The following SLC25A3 variants were observed in gnomAD, a reference collection of about 807,000 sequenced individuals.
SLC25A3 encodes the protein phosphate transport protein.
SLC25A3 carries 14 observed loss-of-function variants against 37.1 expected under a neutral mutation model. That is an observed-to-expected ratio of 0.38 (90% CI 0.25 to 0.59). The LOEUF is 0.59. Among genes scored for constraint, SLC25A3 ranks in the 20% least tolerant of loss-of-function variants. The pLI is 0.67. For missense variants in SLC25A3, 385 were observed against 458.1 expected, an observed-to-expected ratio of 0.84 and a Z score of 1.46; for synonymous variants, 161 against 168.7, an observed-to-expected ratio of 0.95 and a Z score of 0.36.
At chr12:98,597,063 A>G (rs2097593612) in intron 3 of SLC25A3, among the ~76,000 whole-genome samples, 1 of 152,168 alleles carries the variant, frequency 6.6e-6, no homozygotes, top group Non-Finnish European at 1.5e-5. Flanking sequence ...GTTGGGTGGT[A>G]AGAAATCTGT....
At chr12:98,598,796 G>A in intron 5 of SLC25A3, 93 bp downstream of exon 5, 1 of 1,244,084 alleles carries the variant, frequency 8.0e-7, no homozygotes, top group Non-Finnish European at 1.1e-6. Context: ...GTTTTTTTGA[G>A]ACAAAGTCTC....
At chr12:98,598,261 G>T (rs2097594687) in intron 4 of SLC25A3, 1 of 685,466 alleles carries the variant, frequency 1.5e-6, no homozygotes, top group Middle Eastern at 4.1e-4. Flanking sequence ...TAAGTAAGTT[G>T]GATTTTGAGT....
chr12:98,594,240 C>T (rs778248567), intron 2 of SLC25A3, 105 bp downstream of exon 2: 6 of 975,468 alleles, frequency 6.2e-6, no homozygotes, highest in South Asian at 2.7e-5. Flanking sequence ...GAGTCCAGCC[C>T]GCTGCACCGT....
chr12:98,594,231 A>G, intron 2 of SLC25A3, 96 bp downstream of exon 2: 1 of 1,045,832 alleles, frequency 9.6e-7, no homozygotes, highest in Non-Finnish European at 1.4e-6. Context: ...GGGAAGGACG[A>G]GTCCAGCCCG....
At chr12:98,594,191 C>G in intron 2 of SLC25A3, 56 bp downstream of exon 2, 13 of 1,425,382 alleles carry the variant, frequency 9.1e-6, no homozygotes, top group Non-Finnish European at 1.3e-5. Context: ...GCCGCCCAGC[C>G]TTTGAGGCCT....
In SLC25A3 at chr12:98,598,561, G is replaced by T. The variant is rs11544653; in HGVS notation, c.499G>T (p.Ala167Ser). ...YLWRTSLYLA[A>S]SASAEFFADI... The stretch of plus-strand genomic sequence containing the variant: ...CTGGCGCACATCACTATATTTGGCT[G>T]CCTCTGCCAGTGCTGAATTCTTTGC... The change falls in exon 5 of 8, where the codon GCC becomes TCC. Residue 167 changes from alanine to serine, a missense_variant. Ala to Ser is a moderately conservative substitution (Grantham distance 99). Around this residue, in one of 2 missense-constraint regions of SLC25A3, gnomAD observed 276 missense variants for 367.6 expected, o/e 0.75. Transcript: ENST00000552981. 1 of 1,613,346 alleles carries T rather than the reference G, an allele frequency of 6.2e-7. No individual in the cohort carries two copies. Among genetic ancestry groups the T allele is most frequent in the Non-Finnish European group, 8.5e-7 (1 of 1,180,038 alleles).
rs2097596488 is a variant in SLC25A3 at position 98,600,066 on chromosome 12, G to A, written c.753G>A (p.Lys251=). 2 of 1,614,202 alleles carry A rather than the reference G, an allele frequency of 1.2e-6. No homozygotes were observed. Among genetic ancestry groups the A allele is most frequent in the East Asian group, 4.5e-5 (2 of 44,886 alleles). The change falls in exon 6 of 8, where the codon AAG becomes AAA. Residue 251 remains lysine, a synonymous_variant. Transcript: ENST00000552981. The part of the protein sequence containing the change: ...VEALYKFVVP[K]PRSECSKPEQ... ...CACTGTACAAGTTTGTGGTTCCTAA[G>A]CCCCGCAGTGAATGTTCAAAGCCAG...
rs542528273 is a variant in SLC25A3, at chr12:98,604,632, C to T, written c.*3104C>T. 6 of 152,088 alleles carry T rather than the reference C, an allele frequency of 3.9e-5. No homozygotes were observed. Among genetic ancestry groups the T allele is most frequent in the South Asian group, 2.1e-4 (1 of 4,816 alleles). The allele number at this position is 152,088 out of a possible 1,614,324, so 9.4% of individuals were successfully genotyped here. On this transcript the variant is annotated 3_prime_UTR_variant, in exon 8 of 8. Transcript: ENST00000552981. ...CTGACACAATTGGGATGTGCCACTA[C>T]TTGCTCCTGTTTTTTCATAGACGGG...
chr12:98,600,185 ATTGGCGTTT>A, intron 6 of SLC25A3, 58 bp downstream of exon 6: 5 of 1,262,274 alleles, frequency 4.0e-6, no homozygotes, highest in Non-Finnish European at 4.7e-6. Context: ...CATTTCCATT[ATTGGCGTTT>A]TTTGAGAGGG....
chr12:98,597,508 C>T, intron 3 of SLC25A3: 1 of 274,154 alleles, frequency 3.6e-6, no homozygotes, highest in South Asian at 3.8e-5. Flanking sequence ...ACCTCCCTCC[C>T]TCAGGCTCAA....
chr12:98,604,884 C>T lies in SLC25A3; in HGVS notation c.*3356C>T, dbSNP rs1369025067. 1.3e-5 allele frequency: 2 copies of T among 152,708 alleles called. No individual in the cohort carries two copies. The highest frequency in any genetic ancestry group is 4.8e-5 in the African/African-American group (2 of 41,472). The allele number at this position is 152,708 out of a possible 1,614,324, so 9.5% of individuals were successfully genotyped here. On this transcript the variant is annotated 3_prime_UTR_variant, in exon 8 of 8. Coordinates refer to ENST00000552981, the MANE Select transcript of SLC25A3 (RefSeq NM_002635.4). ...TCAAGTGATCCTCCCACCTCAGCCTCTTGAATAACTGGGACTGCAAGTGTG... is the reference window on the plus strand; with the variant it reads ...TCAAGTGATCCTCCCACCTCAGCCTTTTGAATAACTGGGACTGCAAGTGTG...
intron 1 of SLC25A3, 62 bp downstream of exon 1, chr12:98,593,802 G>A (rs2097590473): frequency 4.4e-6 from 3 of 677,690 alleles, no homozygotes; most frequent in East Asian, 5.4e-5. Flanking sequence ...AGCTCCTGTG[G>A]GGCCGCTGCT....
At chr12:98,600,885 G>A (rs2097597304) in intron 6 of SLC25A3, among the ~76,000 whole-genome samples, 1 of 152,174 alleles carries the variant, frequency 6.6e-6, no homozygotes, top group Non-Finnish European at 1.5e-5. Context: ...TTCATGGGAT[G>A]TCATTATTAG....
rs1352337833 is a variant in SLC25A3, at chr12:98,598,563, C to G, written c.501C>G (p.Ala167=). The G allele has an allele frequency of 6.2e-7, 1 of 1,613,576 alleles. No homozygotes were observed. The highest frequency in any genetic ancestry group is 8.5e-7 in the Non-Finnish European group (1 of 1,180,030). The change falls in exon 5 of 8, where the codon GCC becomes GCG. Residue 167 remains alanine, a synonymous_variant. Transcript: ENST00000552981. ...GGCGCACATCACTATATTTGGCTGC[C>G]TCTGCCAGTGCTGAATTCTTTGCTG... ...YLWRTSLYLA[A]SASAEFFADI...
At position 98,604,261 on chromosome 12, in the gene SLC25A3, A is replaced by ATATATATATATATAT. The variant is rs1394128435; in HGVS notation, c.*2733_*2734insTATATATATATATAT. 8.5e-6 allele frequency: 1 copy of ATATATATATATATAT among 117,322 alleles called. No individual in the cohort carries two copies. Among genetic ancestry groups the ATATATATATATATAT allele is most frequent in the African/African-American group, 3.2e-5 (1 of 31,106 alleles). 7.3% of individuals were successfully genotyped at this position (117,322 alleles called of 1,614,324 possible). On this transcript the variant is annotated 3_prime_UTR_variant, in exon 8 of 8. Coordinates refer to ENST00000552981, the MANE Select transcript of SLC25A3 (RefSeq NM_002635.4). ...CAGCGAAACTCTGTCTCAAAAAAAA[A>ATATATATATATATAT]AAATATATATATATATATATATATA...
intron 2 of SLC25A3, chr12:98,594,341 G>T (rs1220054115): frequency 1.4e-6 from 1 of 703,708 alleles, no homozygotes; most frequent in Middle Eastern, 2.3e-4. Flanking sequence ...GGGCGTGGAA[G>T]CGCTGAGGCC....
rs1302964992 is a variant in SLC25A3, at chr12:98,604,263, A to AAAAATAT, written c.*2736_*2737insAAATATA. 45 of 134,568 alleles carry AAAAATAT rather than the reference A, an allele frequency of 3.3e-4. No individual in the cohort carries two copies. Among genetic ancestry groups the AAAAATAT allele is most frequent in the African/African-American group, 9.7e-4 (34 of 34,884 alleles). The allele number at this position is 134,568 out of a possible 1,614,324, so 8.3% of individuals were successfully genotyped here. Reference sequence around the variant, plus strand: ...GCGAAACTCTGTCTCAAAAAAAAAAAATATATATATATATATATATATATG... The same window carrying AAAAATAT: ...GCGAAACTCTGTCTCAAAAAAAAAAAAAAATATATATATATATATATATATATATATG... On this transcript the variant is annotated 3_prime_UTR_variant, in exon 8 of 8. Coordinates refer to ENST00000552981, the MANE Select transcript of SLC25A3 (RefSeq NM_002635.4).
chr12:98,593,827 A>C (rs1165860523), intron 1 of SLC25A3, 87 bp downstream of exon 1: 1 of 851,500 alleles, frequency 1.2e-6, no homozygotes, highest in Non-Finnish European at 1.9e-6. Context: ...CGGTGGGCCC[A>C]GCCGGGAGCA....
chr12:98,601,655 T>TG lies in SLC25A3; in HGVS notation c.*128dup. 1.4e-6 allele frequency: 1 copy of TG among 703,782 alleles called. No individual in the cohort carries two copies. Among genetic ancestry groups the TG allele is most frequent in the East Asian group, 2.7e-5 (1 of 37,196 alleles). 43.6% of individuals were successfully genotyped at this position (703,782 alleles called of 1,614,324 possible). A position where few individuals can be genotyped will look rare whatever the true frequency, so the allele number is the denominator to read the frequency against. ...CCTGATATAATTACTGTAGTACTCT[T>TG]GCTTAAGGCAAGAGTTTCAGATTTA... On this transcript the variant is annotated 3_prime_UTR_variant, in exon 8 of 8. Transcript: ENST00000552981.
Sources: gnomAD v4.1 joint callset for allele counts (sites outside exome capture counted in the v4.1 genomes callset) on GRCh38, gnomAD v4.1.1 for gene constraint, gnomAD v4.1.1 regional missense constraint, MANE v1.5 for transcripts, NCBI Gene and HGNC (gene_info 2026-07-23, HGNC 2026-07-21) for gene names.